The following SNX30 variants were observed in gnomAD, a reference collection of about 807,000 sequenced individuals.
SNX30 encodes sorting nexin-30.
Under a neutral mutation model 46.4 loss-of-function variants are expected in SNX30, and 24 were observed. The observed-to-expected ratio is 0.52, with a 90% confidence interval of 0.37 to 0.73. The LOEUF is 0.73. Ranked by LOEUF, SNX30 falls within the 30% of genes least tolerant of loss-of-function variation. The pLI, the probability that SNX30 is intolerant of heterozygous loss-of-function variation, is 0.00. For synonymous variants in SNX30, 189 were observed against 211.5 expected (o/e 0.89, Z 0.92); for missense variants, 533 against 555.7 (o/e 0.96, Z 0.41).
chr9:112,834,827 A>AACAC (rs1400269404), intron 4 of SNX30, among the ~76,000 whole-genome samples: 1 of 106,280 alleles, frequency 9.4e-6, no homozygotes, highest in African/African-American at 4.2e-5. Flanking sequence ...CCGTGGATTA[A>AACAC]ACACACACAC....
chr9:112,882,262 A>G (rs1036326461), downstream of SNX30, among the ~76,000 whole-genome samples: 3 of 152,080 alleles, frequency 2.0e-5, no homozygotes, highest in Admixed American at 6.6e-5. Flanking sequence ...ATGCACCACA[A>G]TGCCTAGCTG....
chr9:112,775,609 C>T (rs988817913), intron 1 of SNX30, among the ~76,000 whole-genome samples: 1 of 137,478 alleles, frequency 7.3e-6, no homozygotes, highest in African/African-American at 2.7e-5. Flanking sequence ...TCTCTTCACA[C>T]AGAATTTAGA....
intron 1 of SNX30, among the ~76,000 whole-genome samples, chr9:112,793,748 T>TC (rs1840061882): frequency 6.6e-6 from 1 of 152,046 alleles, no homozygotes; most frequent in Non-Finnish European, 1.5e-5. Flanking sequence ...TCATTTCCAG[T>TC]ATTGATATGA....
Position 112,769,789 on chromosome 9 carries a change from A to G in SNX30, c.156+18632A>G, listed in dbSNP as rs115539127. Reference sequence around the variant, plus strand: ...CCAGAAACCTCTCTCCTGAATTCCAAATTCCTGTCTCCCACTGCCTTCTTG... The same window carrying G: ...CCAGAAACCTCTCTCCTGAATTCCAGATTCCTGTCTCCCACTGCCTTCTTG... On this transcript the variant is annotated intron_variant, in intron 1 of 8. Transcript: ENST00000374232. Among the ~76,000 whole-genome samples the G allele has an allele frequency of 3.5e-3, 535 of 152,080 alleles. 4 individuals carry two copies. Among genetic ancestry groups the G allele is most frequent in the African/African-American group, 0.013 (521 of 41,456 alleles).
At chr9:112,819,627 T>C (rs1840461395) in intron 3 of SNX30, among the ~76,000 whole-genome samples, 1 of 152,218 alleles carries the variant, frequency 6.6e-6, no homozygotes, top group Non-Finnish European at 1.5e-5. Context: ...TTAGCAGTCA[T>C]GTCTCCTTAG....
In SNX30 at chr9:112,873,756, T is replaced by C. The variant is rs1284465252; in HGVS notation, c.*4913T>C. 2 of 152,132 alleles carry C rather than the reference T, an allele frequency of 1.3e-5. No homozygotes were observed. Among genetic ancestry groups the C allele is most frequent in the African/African-American group, 4.8e-5 (2 of 41,408 alleles). The allele number at this position is 152,132 out of a possible 1,614,324, so 9.4% of individuals were successfully genotyped here. On this transcript the variant is annotated 3_prime_UTR_variant, in exon 9 of 9. Transcript: ENST00000374232. ...CAAAGAATGCTATAGATGACAACAG[T>C]ATTAAATGTTACTCCTGATTCTGCA...
chr9:112,815,153 A>T (rs10981510), intron 2 of SNX30, among the ~76,000 whole-genome samples: 2,641 of 152,126 alleles, frequency 0.017, 58 homozygotes, highest in East Asian at 0.12. Context: ...TAAAATAAGT[A>T]TATAACCCGA....
At chr9:112,859,098 T>C (rs1841185114) in intron 7 of SNX30, among the ~76,000 whole-genome samples, 1 of 152,148 alleles carries the variant, frequency 6.6e-6, no homozygotes, top group African/African-American at 2.4e-5. Flanking sequence ...TTCCCCCTCC[T>C]GCCGGCCTCT....
chr9:112,797,283 C>T lies in SNX30; in HGVS notation c.157-7493C>T, dbSNP rs1387018361. ...AAAAAATCTATCTTTCCCTTCCTTT[C>T]CTGGCATTTGTCCCACTGACTACCC... On this transcript the variant is annotated intron_variant, in intron 1 of 8. Coordinates refer to ENST00000374232, the MANE Select transcript of SNX30 (RefSeq NM_001012994.2). 7.9e-5 allele frequency among the ~76,000 whole-genome samples: 12 copies of T among 152,322 alleles called. No homozygotes were observed. In the South Asian group the frequency reaches 1.9e-3, roughly 24 times the overall value.
In SNX30 at chr9:112,822,092, T is replaced by C. The variant is rs150482903; in HGVS notation, c.459+4277T>C. 4.4e-3 allele frequency among the ~76,000 whole-genome samples: 668 copies of C among 152,230 alleles called. 6 individuals carry two copies. The highest frequency in any genetic ancestry group is 0.012 in the African/African-American group (519 of 41,560). ...CCATCATGCCTGGCTAATTCTTTTTTTGGTAGAGACAGAGTCTTGCTATGT... is the reference window on the plus strand; with the variant it reads ...CCATCATGCCTGGCTAATTCTTTTTCTGGTAGAGACAGAGTCTTGCTATGT... On this transcript the variant is annotated intron_variant, in intron 3 of 8. Coordinates refer to ENST00000374232, the MANE Select transcript of SNX30 (RefSeq NM_001012994.2).
At chr9:112,820,359 A>G (rs1573056) in intron 3 of SNX30, among the ~76,000 whole-genome samples, 10,228 of 152,252 alleles carry the variant, frequency 0.067, 447 homozygotes, top group Non-Finnish European at 0.099. Context: ...AAAAAATTTT[A>G]TAGTAGCTTT....
intron 1 of SNX30, among the ~76,000 whole-genome samples, chr9:112,778,661 G>T (rs1227982815): frequency 1.3e-5 from 2 of 152,206 alleles, no homozygotes; most frequent in African/African-American, 4.8e-5. Flanking sequence ...TGGGGAAGTG[G>T]CCAGGTCACA....
chr9:112,884,250 A>C (rs1296633407), downstream of SNX30, among the ~76,000 whole-genome samples: 1 of 152,192 alleles, frequency 6.6e-6, no homozygotes, highest in African/African-American at 2.4e-5. Context: ...GAGGAAGGGG[A>C]TGCTGACTGT....
At chr9:112,751,309 G>A (rs1476924320) in intron 1 of SNX30, 152 bp downstream of exon 1, 1 of 1,050,218 alleles carries the variant, frequency 9.5e-7, no homozygotes, top group African/African-American at 1.7e-5. Context: ...CCTCGGCGAA[G>A]CGTCTCCTCT....
intron 1 of SNX30, among the ~76,000 whole-genome samples, chr9:112,763,893 A>G (rs1011213717): frequency 1.9e-4 from 29 of 151,934 alleles, no homozygotes; most frequent in African/African-American, 6.0e-4. Flanking sequence ...CGGGGTACCT[A>G]TGTAATTTTG....
At chr9:112,804,406 C>T (rs1391720218) in intron 1 of SNX30, among the ~76,000 whole-genome samples, 1 of 152,216 alleles carries the variant, frequency 6.6e-6, no homozygotes, top group African/African-American at 2.4e-5. Flanking sequence ...CTCAGGTGAG[C>T]CACCTGTCTC....
intron 3 of SNX30, among the ~76,000 whole-genome samples, chr9:112,821,287 T>G (rs1216979226): frequency 1.3e-5 from 2 of 152,206 alleles, no homozygotes; most frequent in South Asian, 2.1e-4. Context: ...TCTTTTCATG[T>G]GCTTTTGGGC....
At chr9:112,860,922 T>C (rs1226450094) in intron 7 of SNX30, among the ~76,000 whole-genome samples, 1 of 152,220 alleles carries the variant, frequency 6.6e-6, no homozygotes, top group African/African-American at 2.4e-5. Flanking sequence ...CACAAGTGTG[T>C]CACAGGTGTG....
At chr9:112,755,824 A>G (rs1282422508) in intron 1 of SNX30, among the ~76,000 whole-genome samples, 1 of 151,930 alleles carries the variant, frequency 6.6e-6, no homozygotes, top group African/African-American at 2.4e-5. Flanking sequence ...TTCTCATGCC[A>G]GTGAAGGGAT....
Sources: gnomAD v4.1 joint callset for allele counts (sites outside exome capture counted in the v4.1 genomes callset) on GRCh38, gnomAD v4.1.1 for gene constraint, MANE v1.5 for transcripts, NCBI Gene and HGNC (gene_info 2026-07-23, HGNC 2026-07-21) for gene names.